RAPGEF1: variants seen among roughly 807,000 people sequenced by gnomAD.
The protein encoded by RAPGEF1 is CRK SH3-binding GNRP.
RAPGEF1 carries 33 observed loss-of-function variants against 143.3 expected under a neutral mutation model. That is an observed-to-expected ratio of 0.23 (90% CI 0.17 to 0.31). The LOEUF is 0.31. Among genes scored for constraint, RAPGEF1 ranks in the 10% least tolerant of loss-of-function variants. RAPGEF1 has a pLI of 1.00. For synonymous variants in RAPGEF1, 629 were observed against 676.5 expected, an observed-to-expected ratio of 0.93 and a Z score of 1.09; for missense variants, 1,199 against 1,645.4, an observed-to-expected ratio of 0.73 and a Z score of 4.69.
chr9:131,622,145 G>A (rs375125311), intron 10 of RAPGEF1, 147 bp from the exon 11 acceptor site: 9 of 761,286 alleles, frequency 1.2e-5, no homozygotes, highest in East Asian at 5.4e-5. Flanking sequence ...AGGACTTTTC[G>A]GGCAATGAAA....
chr9:131,588,063 G>A (rs754102449), intron 20 of RAPGEF1, 37 bp from the exon 21 acceptor site: 1 of 1,558,620 alleles, frequency 6.4e-7, no homozygotes, highest in Non-Finnish European at 8.8e-7. Flanking sequence ...CGTCAGGGGT[G>A]GGGAGGCCGG....
intron 1 of RAPGEF1, among the ~76,000 whole-genome samples, chr9:131,676,850 A>G (rs1832431682): frequency 1.3e-5 from 2 of 152,250 alleles, no homozygotes; most frequent in South Asian, 2.1e-4. Flanking sequence ...CTGAACCAAC[A>G]ACGACGGCAG....
At chr9:131,624,228 C>T (rs1962230365) in intron 10 of RAPGEF1, among the ~76,000 whole-genome samples, 1 of 152,170 alleles carries the variant, frequency 6.6e-6, no homozygotes, top group Non-Finnish European at 1.5e-5. Context: ...GTTTCTCTAC[C>T]TATGAAATTG....
chr9:131,676,621 G>C (rs1441901906), intron 1 of RAPGEF1, among the ~76,000 whole-genome samples: 3 of 152,212 alleles, frequency 2.0e-5, no homozygotes, highest in African/African-American at 7.2e-5. Flanking sequence ...GAAATCCCAA[G>C]AAAGAAATGG....
intron 5 of RAPGEF1, among the ~76,000 whole-genome samples, chr9:131,631,086 A>C (rs1964712646): frequency 6.6e-6 from 1 of 152,196 alleles, no homozygotes; most frequent in Non-Finnish European, 1.5e-5. Flanking sequence ...CCAACTGTTT[A>C]ACTTCTATTA....
At chr9:131,736,403 C>T (rs1837418405) in intron 1 of RAPGEF1, among the ~76,000 whole-genome samples, 1 of 152,218 alleles carries the variant, frequency 6.6e-6, no homozygotes, top group Non-Finnish European at 1.5e-5. Context: ...CCCTGTGCCA[C>T]CCTCTGGCCC....
chr9:131,673,129 A>G (rs1430811352), intron 1 of RAPGEF1, among the ~76,000 whole-genome samples: 1 of 152,232 alleles, frequency 6.6e-6, no homozygotes, highest in African/African-American at 2.4e-5. Context: ...AGTGATTCTC[A>G]GGAGAGGAGT....
intron 16 of RAPGEF1, 76 bp downstream of exon 16, chr9:131,598,123 G>A (rs2132395503): frequency 1.6e-6 from 2 of 1,286,980 alleles, no homozygotes; most frequent in South Asian, 2.5e-5. Flanking sequence ...CTTATGACAA[G>A]ATCACATTCT....
chr9:131,612,921 TG>T (rs1958260572), intron 12 of RAPGEF1, among the ~76,000 whole-genome samples: 1 of 152,210 alleles, frequency 6.6e-6, no homozygotes, highest in Non-Finnish European at 1.5e-5. Flanking sequence ...GGCCAGAGCC[TG>T]GGACCAATGC....
chr9:131,701,094 C>G (rs1834608231), intron 1 of RAPGEF1, among the ~76,000 whole-genome samples: 2 of 152,020 alleles, frequency 1.3e-5, no homozygotes, highest in Non-Finnish European at 1.5e-5. Context: ...GCCTTAGAAG[C>G]AATCAGTGAA....
chr9:131,590,131 G>A lies in RAPGEF1; in HGVS notation c.2775-153C>T, dbSNP rs928963303. Among the ~76,000 whole-genome samples the A allele has an allele frequency of 9.2e-5, 14 of 152,130 alleles. No individual in the cohort carries two copies. The East Asian group carries it at 2.3e-3, about 25-fold the overall frequency. ...CCAGAAACGAGGGCACGGGACTAGC[G>A]CAGTGGAACAACTGCAAAGCCAGGA... On this transcript the variant is annotated intron_variant, in intron 18 of 26. Transcript: ENST00000683357.
At chr9:131,706,417 C>G (rs1466068588) in intron 1 of RAPGEF1, among the ~76,000 whole-genome samples, 2 of 152,116 alleles carry the variant, frequency 1.3e-5, no homozygotes, top group African/African-American at 4.8e-5. Context: ...CGCGCGCCAC[C>G]ATGCCTGGTT....
intron 1 of RAPGEF1, among the ~76,000 whole-genome samples, chr9:131,690,501 A>T (rs1015990409): frequency 1.3e-5 from 2 of 152,318 alleles, no homozygotes; most frequent in Non-Finnish European, 2.9e-5. Flanking sequence ...CATTAATATC[A>T]AAAGTACACT....
intron 12 of RAPGEF1, among the ~76,000 whole-genome samples, chr9:131,606,364 G>C (rs1588389608): frequency 6.6e-6 from 1 of 152,286 alleles, no homozygotes; most frequent in African/African-American, 2.4e-5. Flanking sequence ...TGGGGAGCTG[G>C]GAGAGCGCTG....
At chr9:131,603,880 C>CG (rs111703184) in intron 14 of RAPGEF1, 81 bp downstream of exon 14, 2 of 829,276 alleles carry the variant, frequency 2.4e-6, no homozygotes, top group Non-Finnish European at 3.4e-6. Context: ...GAAGCAGGTG[C>CG]GGGGGAAGCG....
At position 131,675,361 on chromosome 9, in the gene RAPGEF1, G is replaced by A. The variant is rs1256210891; in HGVS notation, c.62-24412C>T. 6.6e-6 allele frequency among the ~76,000 whole-genome samples: 1 copy of A among 152,210 alleles called. No homozygotes were observed. The highest frequency in any genetic ancestry group is 2.4e-5 in the African/African-American group (1 of 41,438). On this transcript the variant is annotated intron_variant, in intron 1 of 26. Coordinates refer to ENST00000683357, the MANE Select transcript of RAPGEF1 (RefSeq NM_001377935.1). This position sits in a 1 kb window ranked among gnomAD's most constrained non-coding sequence, Gnocchi z 4.6. ...GAGGCTGTGGAGGAGGGCTCTGCGG[G>A]AGCAGGGAGCCCGGCAGCTTCCTGC...
intron 1 of RAPGEF1, among the ~76,000 whole-genome samples, chr9:131,731,058 T>A (rs906372387): frequency 6.6e-6 from 1 of 152,238 alleles, no homozygotes; most frequent in East Asian, 1.9e-4. Flanking sequence ...AATAGTCAGA[T>A]GGGCTTTAGT....
At chr9:131,616,258 C>T (rs995738210) in intron 12 of RAPGEF1, among the ~76,000 whole-genome samples, 2 of 152,164 alleles carry the variant, frequency 1.3e-5, no homozygotes, top group Non-Finnish European at 2.9e-5. Context: ...CAGAGCAAGA[C>T]TCCATCTCAA....
At chr9:131,670,573 G>A (rs995263069) in intron 1 of RAPGEF1, among the ~76,000 whole-genome samples, 3 of 152,178 alleles carry the variant, frequency 2.0e-5, no homozygotes, top group Admixed American at 6.5e-5. Context: ...GAAAAGCCCA[G>A]GACCAAGATG....
Sources: gnomAD v4.1 joint callset for allele counts (sites outside exome capture counted in the v4.1 genomes callset) on GRCh38, gnomAD v4.1.1 for gene constraint, Gnocchi (gnomAD v3.1) non-coding constraint, MANE v1.5 for transcripts, NCBI Gene and HGNC (gene_info 2026-07-23, HGNC 2026-07-21) for gene names.